SPDYA: variants seen among roughly 807,000 people sequenced by gnomAD.
SPDYA encodes speedy/RINGO cell cycle regulator family member A, also known as speedy protein A.
A neutral mutation model predicts 36.7 loss-of-function variants in SPDYA; 11 were observed. The observed-to-expected ratio is 0.30, with a 90% CI of 0.19 to 0.50. SPDYA has a LOEUF of 0.50. Ranked by LOEUF, SPDYA falls within the 20% of genes least tolerant of loss-of-function variation. The pLI is 0.98. For missense variants in SPDYA, 287 were observed against 370.9 expected (o/e 0.77, Z 1.86); for synonymous variants, 115 against 118.7 (o/e 0.97, Z 0.20).
At chr2:28,837,367 A>G (rs1207124062) in intron 6 of SPDYA, among the ~76,000 whole-genome samples, 1 of 152,238 alleles carries the variant, frequency 6.6e-6, no homozygotes, top group Non-Finnish European at 1.5e-5. Flanking sequence ...TAATGGAAAT[A>G]GGGAAGCCTA....
At chr2:28,849,226 T>C (rs1668969683) in intron 7 of SPDYA, among the ~76,000 whole-genome samples, 1 of 152,246 alleles carries the variant, frequency 6.6e-6, no homozygotes, top group African/African-American at 2.4e-5. Context: ...TGGTAAGTGC[T>C]AAATAACTGG....
intron 6 of SPDYA, among the ~76,000 whole-genome samples, chr2:28,833,644 C>CTATGA (rs1668525769): frequency 6.6e-6 from 1 of 152,128 alleles, no homozygotes; most frequent in Non-Finnish European, 1.5e-5. Flanking sequence ...ACAAATGGTG[C>CTATGA]TATGACAACT....
Position 28,830,925 on chromosome 2 carries a change from ATTAGT to A in SPDYA, c.552+1608_552+1612del, listed in dbSNP as rs942879988. ...AGCAGTGGTCACTGTAAGCTCTAGT[ATTAGT>A]TAAGAAAAATTTGATAAATGTTGAT... On this transcript the variant is annotated intron_variant, in intron 6 of 7. Transcript: ENST00000334056. 5.9e-5 allele frequency among the ~76,000 whole-genome samples: 9 copies of A among 152,342 alleles called. No homozygotes were observed. In the East Asian group the frequency reaches 7.7e-4, roughly 13 times the overall value.
chr2:28,840,207 A>G lies in SPDYA; in HGVS notation c.588A>G (p.Gln196=). The change falls in exon 7 of 8, where the codon CAA becomes CAG. Residue 196 remains glutamine, a synonymous_variant. Coordinates refer to ENST00000334056, the MANE Select transcript of SPDYA (RefSeq NM_182756.4). ...MAIAPTHYIW[Q]RERSVHHSGA... is the part of the protein sequence containing the mutation. ...TTGCACCAACCCATTATATCTGGCAAAGAGAACGTTCTGTTCATCACAGTG... is the reference window on the plus strand; with the variant it reads ...TTGCACCAACCCATTATATCTGGCAGAGAGAACGTTCTGTTCATCACAGTG... 6.2e-7 allele frequency: 1 copy of G among 1,614,234 alleles called. No individual in the cohort carries two copies. The highest frequency in any genetic ancestry group is 8.5e-7 in the Non-Finnish European group (1 of 1,180,038).
rs373882934 is a variant in SPDYA at position 28,819,152 on chromosome 2, C to T, written c.294+46C>T. ...ACAATTAACCAGCATTATAATGTAA[C>T]TGAACCATTAGAGCTTTAATGAGAC... On this transcript the variant is annotated intron_variant, in intron 4 of 7. Transcript: ENST00000334056. The T allele has an allele frequency of 1.5e-5, 21 of 1,393,738 alleles. No homozygotes were observed. The African/African-American group carries it at 3.0e-4, about 20-fold the overall frequency. 86.3% of individuals were successfully genotyped at this position (1,393,738 alleles called of 1,614,324 possible).
chr2:28,835,810 T>C lies in SPDYA; in HGVS notation c.553-4362T>C, dbSNP rs1668584014. ...GCGTATAGAAAAGGTAACTGCCTAGTAGATTTTATCCTGTTCTGTTAAGTG... is the reference window on the plus strand; with the variant it reads ...GCGTATAGAAAAGGTAACTGCCTAGCAGATTTTATCCTGTTCTGTTAAGTG... On this transcript the variant is annotated intron_variant, in intron 6 of 7. Coordinates refer to ENST00000334056, the MANE Select transcript of SPDYA (RefSeq NM_182756.4). 2.6e-5 allele frequency among the ~76,000 whole-genome samples: 4 copies of C among 152,338 alleles called. No individual in the cohort carries two copies. In the South Asian group the frequency reaches 8.3e-4, roughly 32 times the overall value.
At chr2:28,837,521 G>T (rs1668633590) in intron 6 of SPDYA, among the ~76,000 whole-genome samples, 1 of 152,180 alleles carries the variant, frequency 6.6e-6, no homozygotes, top group South Asian at 2.1e-4. Context: ...GTATTTAAGA[G>T]ATTCAAGGTC....
intron 6 of SPDYA, among the ~76,000 whole-genome samples, chr2:28,834,021 T>A (rs1012617344): frequency 5.3e-5 from 8 of 151,062 alleles, no homozygotes; most frequent in African/African-American, 2.0e-4. Flanking sequence ...ACAATCAATT[T>A]AAAAAATGGG....
intron 7 of SPDYA, among the ~76,000 whole-genome samples, chr2:28,845,765 G>A (rs1218906398): frequency 1.3e-5 from 2 of 151,902 alleles, no homozygotes; most frequent in Non-Finnish European, 2.9e-5. Context: ...GGCTGGTCTC[G>A]AACTCCTGAC....
Position 28,826,611 on chromosome 2 carries a change from C to CTTTTTTTTTTT in SPDYA, c.381-2522_381-2512dup, listed in dbSNP as rs777338299. 8.0e-5 allele frequency among the ~76,000 whole-genome samples: 6 copies of CTTTTTTTTTTT among 75,348 alleles called. No individual in the cohort carries two copies. The East Asian group carries it at 1.5e-3, about 18-fold the overall frequency. The allele number at this position is 75,348 out of a possible 152,430, so 49.4% of individuals were successfully genotyped here. A position where few individuals can be genotyped will look rare whatever the true frequency, so the allele number is the denominator to read the frequency against. On this transcript the variant is annotated intron_variant, in intron 5 of 7. Coordinates refer to ENST00000334056, the MANE Select transcript of SPDYA (RefSeq NM_182756.4). ...AAATTTTCTTTTTCTTTCTTTCTCT[C>CTTTTTTTTTTT]TTTTTTTTTTTTTTTTTTTTTTTTT...
chr2:28,835,065 T>G (rs1668561091), intron 6 of SPDYA, among the ~76,000 whole-genome samples: 1 of 152,046 alleles, frequency 6.6e-6, no homozygotes, highest in Non-Finnish European at 1.5e-5. Flanking sequence ...TTGTTTTGTT[T>G]TGTTTTTGTT....
At chr2:28,840,027 C>T in intron 6 of SPDYA, 145 bp from the exon 7 acceptor site, 1 of 681,482 alleles carries the variant, frequency 1.5e-6, no homozygotes, top group Non-Finnish European at 2.4e-6. Context: ...ATTGCCTTAT[C>T]TGGAAGTGCT....
chr2:28,838,328 T>C (rs1337895953), intron 6 of SPDYA, among the ~76,000 whole-genome samples: 1 of 151,882 alleles, frequency 6.6e-6, no homozygotes, highest in Non-Finnish European at 1.5e-5. Flanking sequence ...ATTATAGACA[T>C]GCGCCACCAT....
At chr2:28,812,300 G>T (rs1667866302) in intron 1 of SPDYA, among the ~76,000 whole-genome samples, 1 of 152,114 alleles carries the variant, frequency 6.6e-6, no homozygotes, top group South Asian at 2.1e-4. Context: ...TGTCCTGACT[G>T]AGTTGCCAAT....
chr2:28,841,970 T>C (rs939255841), intron 7 of SPDYA: 7 of 152,236 alleles, frequency 4.6e-5, no homozygotes, highest in African/African-American at 1.4e-4. Context: ...CAAGGCAATA[T>C]ATAATGCATT....
intron 5 of SPDYA, among the ~76,000 whole-genome samples, chr2:28,825,990 C>T (rs927801766): frequency 1.3e-5 from 2 of 152,024 alleles, no homozygotes; most frequent in African/African-American, 2.4e-5. Flanking sequence ...AGCCATCCTT[C>T]CCAAAGTGCT....
intron 5 of SPDYA, among the ~76,000 whole-genome samples, chr2:28,826,241 A>G (rs1421375448): frequency 1.3e-5 from 2 of 152,096 alleles, no homozygotes; most frequent in East Asian, 1.9e-4. Context: ...GGTTTAAGCA[A>G]TCCTTCCACC....
At chr2:28,840,873 C>CT (rs2148105132) in intron 7 of SPDYA, 1 of 660,650 alleles carries the variant, frequency 1.5e-6, no homozygotes, top group South Asian at 6.8e-5. Flanking sequence ...TCTAGGCCTG[C>CT]TTTTTTCATT....
At chr2:28,837,764 T>TAA (rs1487830730) in intron 6 of SPDYA, among the ~76,000 whole-genome samples, 42 of 133,858 alleles carry the variant, frequency 3.1e-4, no homozygotes, top group East Asian at 7.9e-4. Context: ...TTTTTTTTTT[T>TAA]AATTTTTTCA....
Sources: gnomAD v4.1 joint callset for allele counts (sites outside exome capture counted in the v4.1 genomes callset) on GRCh38, gnomAD v4.1.1 for gene constraint, MANE v1.5 for transcripts, NCBI Gene and HGNC (gene_info 2026-07-23, HGNC 2026-07-21) for gene names.